Variants in KIF5B observed in about 807,000 individuals in gnomAD.
KIF5B encodes kinesin family member 5B.
A neutral mutation model predicts 132.8 loss-of-function variants in KIF5B; 49 were observed. The ratio of observed to expected loss-of-function variants is 0.37; its 90% CI spans 0.29 to 0.47. KIF5B has a LOEUF of 0.47. KIF5B is among the 20% of genes least tolerant of loss of function. KIF5B has a pLI of 1.00. For synonymous variants in KIF5B, 355 were observed against 369.4 expected, an observed-to-expected ratio of 0.96 and a Z score of 0.45; for missense variants, 780 against 1,144.0, an observed-to-expected ratio of 0.68 and a Z score of 4.59.
chr10:32,017,047 G>T, intron 24 of KIF5B, 96 bp downstream of exon 24: 1 of 957,794 alleles, frequency 1.0e-6, no homozygotes, highest in Non-Finnish European at 1.7e-6. Context: ...AGAGACAGAT[G>T]CACCATGACA....
chr10:32,030,532 A>G (rs1841389225), intron 14 of KIF5B, among the ~76,000 whole-genome samples: 1 of 151,792 alleles, frequency 6.6e-6, no homozygotes, highest in Non-Finnish European at 1.5e-5. Context: ...AAAAAAAAAA[A>G]TCTCCATCTA....
At chr10:32,044,292 A>C (rs1401720869) in intron 2 of KIF5B, among the ~76,000 whole-genome samples, 1 of 152,252 alleles carries the variant, frequency 6.6e-6, no homozygotes, top group African/African-American at 2.4e-5. Context: ...CTGGAAGTCT[A>C]ATTTTGTACA....
chr10:32,031,132 C>T lies in KIF5B; in HGVS notation c.1522G>A (p.Glu508Lys). 6.2e-7 allele frequency: 1 copy of T among 1,613,968 alleles called. No individual in the cohort carries two copies. The highest frequency in any genetic ancestry group is 8.5e-7 in the Non-Finnish European group (1 of 1,179,944). The change falls in exon 14 of 26, where the codon GAA (glutamate) becomes AAA (lysine). Residue 508 changes from glutamate to lysine, a missense_variant. Physicochemically the swap from Glu to Lys is moderately conservative, Grantham distance 56. Around this residue, in one of 9 missense-constraint regions of KIF5B, gnomAD observed 471 missense variants for 569.9 expected, o/e 0.83. Transcript: ENST00000302418. The part of the protein sequence containing the change: ...LAVNYDQKSQ[E>K]VEDKTKEYEL... ...TATTCCTTAGTTTTGTCTTCAACTT[C>T]CTGAGACTTCTGATCATAATTGACA...
At chr10:32,053,763 C>T (rs1265705188) in intron 1 of KIF5B, among the ~76,000 whole-genome samples, 1 of 151,304 alleles carries the variant, frequency 6.6e-6, no homozygotes, top group African/African-American at 2.4e-5. Flanking sequence ...AAACAACCAA[C>T]CAACCAAAAA....
intron 15 of KIF5B, among the ~76,000 whole-genome samples, chr10:32,025,542 G>GT (rs1185004458): frequency 6.6e-6 from 1 of 152,094 alleles, no homozygotes; most frequent in Admixed American, 6.6e-5. Context: ...TGCCTGGCTA[G>GT]TTTTTTTATT....
chr10:32,020,984 C>A (rs756189027), intron 19 of KIF5B, 38 bp downstream of exon 19: 1 of 1,143,534 alleles, frequency 8.7e-7, no homozygotes, highest in Non-Finnish European at 1.3e-6. Flanking sequence ...CATCAGTAAC[C>A]GATTCTTTCC....
intron 2 of KIF5B, among the ~76,000 whole-genome samples, chr10:32,045,051 T>C (rs1841592058): frequency 6.6e-6 from 1 of 152,188 alleles, no homozygotes; most frequent in Non-Finnish European, 1.5e-5. Flanking sequence ...AATAGATGCA[T>C]GTATCCTAAA....
At chr10:32,027,760 G>A (rs1841352351) in intron 15 of KIF5B, among the ~76,000 whole-genome samples, 1 of 151,460 alleles carries the variant, frequency 6.6e-6, no homozygotes, top group African/African-American at 2.4e-5. Flanking sequence ...ATGCCTACAT[G>A]CTAGGCTAAT....
chr10:32,034,682 G>A lies in KIF5B; in HGVS notation c.1111+8C>T. ...CAAACTGAAGATGACAAATTCTTAA[G>A]TTATTACCATTACGCCATCTGTTGA... On this transcript the variant is annotated splice_region_variant and intron_variant, in intron 11 of 25. Coordinates refer to ENST00000302418, the MANE Select transcript of KIF5B (RefSeq NM_004521.3). 1 of 1,556,578 alleles carries A rather than the reference G, an allele frequency of 6.4e-7. No individual in the cohort carries two copies.
intron 20 of KIF5B, 46 bp from the exon 21 acceptor site, chr10:32,018,608 T>A (rs55938482): frequency 1 from 1,450,214 of 1,456,100 alleles, 722,377 homozygotes; most frequent in East Asian, 1. Flanking sequence ...TTATTCTGTA[T>A]ATTGTACTTA....
rs770547765 is a variant in KIF5B, at chr10:32,018,303, A to G, written c.2439+13T>C. ...CATTTATGCAAACGCCTACCTCGGC[A>G]TAGTTACATTACCTTTTTAACTCTT... On this transcript the variant is annotated intron_variant, in intron 22 of 25. Transcript: ENST00000302418. 6.7e-7 allele frequency: 1 copy of G among 1,501,024 alleles called. No homozygotes were observed. Among genetic ancestry groups the G allele is most frequent in the Non-Finnish European group, 8.9e-7 (1 of 1,125,778 alleles). 93.0% of individuals were successfully genotyped at this position (1,501,024 alleles called of 1,614,324 possible).
Position 32,056,044 on chromosome 10 carries a change from CCTGAGGG to C in KIF5B, c.-78_-72del. 6.4e-7 allele frequency: 1 copy of C among 1,571,600 alleles called. No homozygotes were observed. The highest frequency in any genetic ancestry group is 1.1e-5 in the South Asian group (1 of 89,380). On this transcript the variant is annotated 5_prime_UTR_variant, in exon 1 of 26. Coordinates refer to ENST00000302418, the MANE Select transcript of KIF5B (RefSeq NM_004521.3). ...TCAGTCTTGCAGGGAACGCGCCGGACCTGAGGGCTTGTGGTCGCGAGGGCCGTGAGAG... is the reference window on the plus strand; with the variant it reads ...TCAGTCTTGCAGGGAACGCGCCGGACCTTGTGGTCGCGAGGGCCGTGAGAG...
intron 1 of KIF5B, among the ~76,000 whole-genome samples, chr10:32,050,015 C>G (rs2132617083): frequency 6.6e-6 from 1 of 151,796 alleles, no homozygotes; most frequent in East Asian, 1.9e-4. Flanking sequence ...GAGTAGGTAT[C>G]CAAAAATAAG....
rs201487298 is a variant in KIF5B at position 32,055,959 on chromosome 10, G to C, written c.15C>G (p.Ala5=). The C allele has an allele frequency of 3.2e-5, 52 of 1,607,626 alleles. No individual in the cohort carries two copies. Among genetic ancestry groups the C allele is most frequent in the Non-Finnish European group, 4.4e-5 (52 of 1,179,864 alleles). Residue 5 remains alanine (A), a synonymous_variant, in exon 1 of 26, where the codon GCC becomes GCG. Coordinates refer to ENST00000302418, the MANE Select transcript of KIF5B (RefSeq NM_004521.3). ...GACACATCACTTTGATGTTGCACTC[G>C]GCCAGGTCCGCCATCTTTCTCGCAG... MADL[A]ECNIKVMCRF...
chr10:32,028,530 C>A lies in KIF5B; in HGVS notation c.1623G>T (p.Lys541Asn). The A allele has an allele frequency of 6.2e-7, 1 of 1,613,810 alleles. No homozygotes were observed. The highest frequency in any genetic ancestry group is 8.5e-7 in the Non-Finnish European group (1 of 1,179,832). Residue 541 changes from lysine to asparagine, a missense_variant, in exon 15 of 26, where the codon AAG becomes AAT. Physicochemically the swap from Lys to Asn is moderately conservative, Grantham distance 94. Coordinates refer to ENST00000302418, the MANE Select transcript of KIF5B (RefSeq NM_004521.3). Reference protein sequence around the residue: ...ASIDAELQKLKEMTNHQKKRA... With the variant: ...ASIDAELQKLNEMTNHQKKRA... ...GTTTTTTCTGGTGGTTGGTCATTTCCTTAAGTTTCTGAAGCTCAGCATCTA... is the reference window on the plus strand; with the variant it reads ...GTTTTTTCTGGTGGTTGGTCATTTCATTAAGTTTCTGAAGCTCAGCATCTA...
rs1200515668 is a variant in KIF5B, at chr10:32,018,131, G to C, written c.2465C>G (p.Thr822Ser). The change falls in exon 23 of 26, where the codon ACC (threonine) becomes AGC (serine). Residue 822 changes from threonine (T) to serine (S), a missense_variant. Thr to Ser is a moderately conservative substitution (Grantham distance 58). This residue lies in a region of KIF5B where 471 missense variants were observed against 569.9 expected (regional missense o/e 0.83). Transcript: ENST00000302418. ...KKSAEIDSDDTGGSAAQKQKI... is the reference protein window; with the variant it reads ...KKSAEIDSDDSGGSAAQKQKI... ...TTGCTTCTGAGCAGCGCTGCCTCCGGTGTCATCAGAATCAATCTCAGCACT... is the reference window on the plus strand; with the variant it reads ...TTGCTTCTGAGCAGCGCTGCCTCCGCTGTCATCAGAATCAATCTCAGCACT... 6.2e-7 allele frequency: 1 copy of C among 1,609,500 alleles called. No individual in the cohort carries two copies. The highest frequency in any genetic ancestry group is 1.1e-5 in the South Asian group (1 of 90,504).
At position 32,035,658 on chromosome 10, in the gene KIF5B, G is replaced by C; in HGVS notation, c.826C>G (p.Pro276Ala). The part of the protein sequence containing the change: ...SALAEGSTYV[P>A]YRDSKMTRIL... ...CTTGTCATTTTACTATCTCGATATG[G>C]AACATATGTCTGCATACAAAAACAA... is the stretch of plus-strand genomic sequence containing the variant. Residue 276 changes from proline to alanine, a missense_variant, in exon 10 of 26, where the codon CCA becomes GCA. Pro to Ala is a conservative substitution (Grantham distance 27, BLOSUM62 -1). Coordinates refer to ENST00000302418, the MANE Select transcript of KIF5B (RefSeq NM_004521.3). 6.2e-7 allele frequency: 1 copy of C among 1,607,278 alleles called. No homozygotes were observed. Among genetic ancestry groups the C allele is most frequent in the Non-Finnish European group, 8.5e-7 (1 of 1,177,588 alleles).
intron 2 of KIF5B, among the ~76,000 whole-genome samples, chr10:32,047,656 C>T (rs1252888914): frequency 2.0e-5 from 3 of 152,180 alleles, no homozygotes; most frequent in Non-Finnish European, 4.4e-5. Context: ...CCTTCTATAA[C>T]TCCACTTTAT....
Position 32,019,373 on chromosome 10 carries a change from C to T in KIF5B, c.2306+485G>A, listed in dbSNP as rs76059915. ...AGGTATGTGAAAAATTATAATCATGCACTTTCTACCTGCTAAGATTCTAGA... is the reference window on the plus strand; with the variant it reads ...AGGTATGTGAAAAATTATAATCATGTACTTTCTACCTGCTAAGATTCTAGA... On this transcript the variant is annotated intron_variant, in intron 20 of 25. Coordinates refer to ENST00000302418, the MANE Select transcript of KIF5B (RefSeq NM_004521.3). Among the ~76,000 whole-genome samples, 291 of 152,248 alleles carry T rather than the reference C, an allele frequency of 1.9e-3. 1 individual carries two copies. Among genetic ancestry groups the T allele is most frequent in the African/African-American group, 6.8e-3 (283 of 41,550 alleles).
Sources: allele counts gnomAD v4.1 joint callset (sites outside exome capture counted in the v4.1 genomes callset), GRCh38; gene constraint gnomAD v4.1.1; regional missense constraint gnomAD v4.1.1; transcripts MANE v1.5; gene names NCBI Gene and HGNC (gene_info 2026-07-23, HGNC 2026-07-21).